MYO3A: variants seen among roughly 807,000 people sequenced by gnomAD.
MYO3A encodes myosin IIIA.
A neutral mutation model predicts 192.7 loss-of-function variants in MYO3A; 180 were observed. The observed-to-expected ratio is 0.93, with a 90% CI of 0.83 to 1.06. The LOEUF is 1.06. MYO3A is among the 50% of genes least tolerant of loss of function. The probability of loss-of-function intolerance (pLI) is 0.00; values close to 1 mark genes in which losing one functional copy is unlikely to be tolerated. For missense variants in MYO3A, 1,896 were observed against 1,905.0 expected, an observed-to-expected ratio of 1.00 and a Z score of 0.09; for synonymous variants, 628 against 645.3, an observed-to-expected ratio of 0.97 and a Z score of 0.41.
chr10:25,957,880 G>A (rs1257371123), intron 4 of MYO3A, among the ~76,000 whole-genome samples: 1 of 152,124 alleles, frequency 6.6e-6, no homozygotes, highest in Non-Finnish European at 1.5e-5. Context: ...TTGGCTACAT[G>A]TATATCTTCT....
intron 17 of MYO3A, among the ~76,000 whole-genome samples, chr10:26,106,572 G>C (rs970157881): frequency 1.3e-5 from 2 of 152,016 alleles, no homozygotes; most frequent in Admixed American, 1.3e-4. Flanking sequence ...GTTGGCCTCT[G>C]AGTCTAGTTT....
At chr10:26,000,944 C>A (rs537584177) in intron 6 of MYO3A, among the ~76,000 whole-genome samples, 2 of 152,138 alleles carry the variant, frequency 1.3e-5, no homozygotes, top group South Asian at 2.1e-4. Flanking sequence ...GCAAAGCTGG[C>A]ACATCTTACT....
Position 26,070,325 on chromosome 10 carries a change from T to C in MYO3A, c.1283T>C (p.Val428Ala). Residue 428 changes from valine (V) to alanine (A), a missense_variant, in exon 14 of 35, where the codon GTT (valine) becomes GCT (alanine). Physicochemically the swap from Val to Ala is moderately conservative, Grantham distance 64. Coordinates refer to ENST00000642920, the MANE Select transcript of MYO3A (RefSeq NM_017433.5). ...MITYNSDQCI[V>A]ISGESGAGKT... ...TTTCTTTTCTATGTATAGTGCATTG[T>C]TATTTCTGGAGAAAGTGGTGCTGGA... is the stretch of plus-strand genomic sequence containing the variant. The C allele has an allele frequency of 6.2e-7, 1 of 1,613,228 alleles. No individual in the cohort carries two copies. The highest frequency in any genetic ancestry group is 8.5e-7 in the Non-Finnish European group (1 of 1,179,410).
Position 26,067,086 on chromosome 10 carries a change from A to G in MYO3A, c.1053+12A>G, listed in dbSNP as rs3824697. The G allele has an allele frequency of 0.52, 804,929 of 1,546,196 alleles. 214,688 individuals are homozygous for G. Among genetic ancestry groups the G allele is most frequent in the Middle Eastern group, 0.56 (3,298 of 5,906 alleles). On this transcript the variant is annotated intron_variant, in intron 11 of 34. Transcript: ENST00000642920. ...AAATTTTGGATGAGGTAAGAATTTC[A>G]GTTTAATTAAACTTAGACATTCCAG...
At chr10:26,172,596 C>G (rs1842103872) in intron 29 of MYO3A, among the ~76,000 whole-genome samples, 1 of 152,204 alleles carries the variant, frequency 6.6e-6, no homozygotes, top group African/African-American at 2.4e-5. Flanking sequence ...GCACGCTTAT[C>G]TTCTTAGTTG....
intron 29 of MYO3A, among the ~76,000 whole-genome samples, chr10:26,171,103 A>G (rs771346149): frequency 1.3e-5 from 2 of 152,184 alleles, no homozygotes; most frequent in Non-Finnish European, 2.9e-5. Flanking sequence ...CCCTCTTGTA[A>G]AATGTGTTAA....
At chr10:26,183,158 T>A (rs1037302675) in intron 31 of MYO3A, among the ~76,000 whole-genome samples, 5 of 152,196 alleles carry the variant, frequency 3.3e-5, no homozygotes, top group Admixed American at 1.3e-4. Flanking sequence ...TTTATCCTCC[T>A]GCTTCTCCTG....
intron 20 of MYO3A, among the ~76,000 whole-genome samples, chr10:26,138,627 A>C (rs1321364374): frequency 6.6e-6 from 1 of 152,188 alleles, no homozygotes; most frequent in Non-Finnish European, 1.5e-5. Flanking sequence ...AGGCAAGAGA[A>C]GTCTTACTTC....
intron 4 of MYO3A, among the ~76,000 whole-genome samples, chr10:25,983,853 G>C (rs1839486043): frequency 6.6e-6 from 1 of 152,190 alleles, no homozygotes; most frequent in Non-Finnish European, 1.5e-5. Flanking sequence ...CTTAAGAGCT[G>C]TGAGGCAAAA....
intron 4 of MYO3A, among the ~76,000 whole-genome samples, chr10:25,957,802 G>A (rs1007917454): frequency 3.3e-5 from 5 of 152,050 alleles, no homozygotes; most frequent in East Asian, 1.9e-4. Flanking sequence ...GGTGTGAGAC[G>A]GTATCTCATT....
At chr10:26,105,824 A>G (rs777306926) in intron 17 of MYO3A, among the ~76,000 whole-genome samples, 8 of 152,102 alleles carry the variant, frequency 5.3e-5, no homozygotes, top group Non-Finnish European at 8.8e-5. Flanking sequence ...AAGTTTAAAA[A>G]ATAAATTTAT....
At chr10:25,963,474 T>C (rs939155247) in intron 4 of MYO3A, among the ~76,000 whole-genome samples, 1 of 152,216 alleles carries the variant, frequency 6.6e-6, no homozygotes, top group Admixed American at 6.5e-5. Flanking sequence ...CCTTTAATGC[T>C]ACTGCCCTGG....
At chr10:26,163,215 C>G (rs4749093) in intron 26 of MYO3A, among the ~76,000 whole-genome samples, 1 of 152,062 alleles carries the variant, frequency 6.6e-6, no homozygotes, top group African/African-American at 2.4e-5. Context: ...GTGTAACCTT[C>G]TCCTCCGACA....
At chr10:26,128,352 A>C (rs1291939734) in intron 19 of MYO3A, 39 bp from the exon 20 acceptor site, 2 of 1,597,626 alleles carry the variant, frequency 1.3e-6, no homozygotes, top group East Asian at 2.2e-5. Flanking sequence ...TTACCTCTTC[A>C]GGAAATAACT....
At chr10:26,011,469 A>T (rs150212702) in intron 6 of MYO3A, among the ~76,000 whole-genome samples, 6 of 152,266 alleles carry the variant, frequency 3.9e-5, no homozygotes, top group African/African-American at 1.2e-4. Flanking sequence ...TATGATTTAT[A>T]TACTTAGTTT....
At chr10:26,024,175 G>A in intron 9 of MYO3A, 88 bp downstream of exon 9, 1 of 1,239,706 alleles carries the variant, frequency 8.1e-7, no homozygotes, top group Non-Finnish European at 1.2e-6. Context: ...CTGTTAAACA[G>A]CCCCAGAGAT....
intron 14 of MYO3A, among the ~76,000 whole-genome samples, chr10:26,075,503 A>G (rs1239178138): frequency 1.3e-5 from 2 of 150,670 alleles, no homozygotes; most frequent in African/African-American, 2.4e-5. Context: ...CTTAGCTCTC[A>G]TGTATCAGTG....
chr10:25,936,137 AAT>A (rs1039451068), intron 2 of MYO3A, among the ~76,000 whole-genome samples: 3 of 152,080 alleles, frequency 2.0e-5, no homozygotes, highest in Admixed American at 1.3e-4. Flanking sequence ...ATATCAACTT[AAT>A]ATATATGTGT....
intron 10 of MYO3A, among the ~76,000 whole-genome samples, chr10:26,050,097 T>C (rs925788861): frequency 6.6e-6 from 1 of 152,154 alleles, no homozygotes; most frequent in African/African-American, 2.4e-5. Flanking sequence ...AGGTTCTCCA[T>C]AATGAACATG....
Sources: allele counts gnomAD v4.1 joint callset (sites outside exome capture counted in the v4.1 genomes callset), GRCh38; gene constraint gnomAD v4.1.1; transcripts MANE v1.5; gene names NCBI Gene and HGNC (gene_info 2026-07-23, HGNC 2026-07-21).